The following PARVA variants were observed in gnomAD, a reference collection of about 807,000 sequenced individuals.
PARVA encodes parvin alpha, also known as alpha-parvin.
PARVA carries 25 observed loss-of-function variants against 52.6 expected under a neutral mutation model. The ratio of observed to expected loss-of-function variants is 0.48; its 90% CI spans 0.35 to 0.66. The LOEUF (loss-of-function observed/expected upper bound fraction) is 0.66, where lower values mean the gene tolerates loss of function less well. PARVA is among the 30% of genes least tolerant of loss of function. PARVA has a pLI of 0.01. For synonymous variants in PARVA, 185 were observed against 179.1 expected, an observed-to-expected ratio of 1.03 and a Z score of -0.26; for missense variants, 373 against 450.9, an observed-to-expected ratio of 0.83 and a Z score of 1.56.
In PARVA at chr11:12,409,840, T is replaced by C. The variant is rs951242046; in HGVS notation, c.136+32057T>C. ...CAGTTGGAAGCAAGTACGAAGTTTTTGCACCAAACATTGTCAACTGCAGTT... is the reference window on the plus strand; with the variant it reads ...CAGTTGGAAGCAAGTACGAAGTTTTCGCACCAAACATTGTCAACTGCAGTT... On this transcript the variant is annotated intron_variant, in intron 1 of 12. Coordinates refer to ENST00000334956, the MANE Select transcript of PARVA (RefSeq NM_018222.5). 8.5e-5 allele frequency among the ~76,000 whole-genome samples: 13 copies of C among 152,372 alleles called. No homozygotes were observed. The East Asian group carries it at 2.5e-3, about 29-fold the overall frequency.
intron 1 of PARVA, among the ~76,000 whole-genome samples, chr11:12,461,916 G>A (rs1363756562): frequency 6.6e-6 from 1 of 152,208 alleles, no homozygotes; most frequent in Non-Finnish European, 1.5e-5. Context: ...TCAAGTACAA[G>A]AGAGTGTGGT....
intron 1 of PARVA, among the ~76,000 whole-genome samples, chr11:12,396,942 C>T (rs952937661): frequency 1.3e-5 from 2 of 150,578 alleles, no homozygotes; most frequent in Admixed American, 6.6e-5. Flanking sequence ...CTTTCCTTTC[C>T]TTTCATGTAC....
Position 12,518,425 on chromosome 11 carries a change from G to A in PARVA, c.970-20G>A, listed in dbSNP as rs777946835. The stretch of plus-strand genomic sequence containing the variant: ...TCCTGGGTGTGCAATGGTACATGCT[G>A]TCTGCATCTCTCTTGCCAGGTCTTG... On this transcript the variant is annotated intron_variant, in intron 11 of 12. Transcript: ENST00000334956. The A allele has an allele frequency of 6.2e-7, 1 of 1,605,170 alleles. No individual in the cohort carries two copies. The highest frequency in any genetic ancestry group is 8.5e-7 in the Non-Finnish European group (1 of 1,172,506).
chr11:12,419,282 C>A (rs867053512), intron 1 of PARVA, among the ~76,000 whole-genome samples: 2 of 151,498 alleles, frequency 1.3e-5, no homozygotes, highest in Non-Finnish European at 2.9e-5. Context: ...ATTCTCCCCA[C>A]CCCCCAGGCC....
intron 1 of PARVA, among the ~76,000 whole-genome samples, chr11:12,383,191 T>G (rs991155713): frequency 4.6e-5 from 7 of 152,224 alleles, no homozygotes; most frequent in Non-Finnish European, 8.8e-5. Context: ...TTCTTCTTCT[T>G]TTGGGTTTTC....
chr11:12,484,063 A>T (rs11826577), intron 4 of PARVA, among the ~76,000 whole-genome samples: 4,731 of 152,282 alleles, frequency 0.031, 243 homozygotes, highest in African/African-American at 0.11. Context: ...AATCATCCAA[A>T]GTTGGGACAC....
At chr11:12,524,851 G>A (rs532386690) in intron 12 of PARVA, among the ~76,000 whole-genome samples, 1 of 152,320 alleles carries the variant, frequency 6.6e-6, no homozygotes, top group East Asian at 1.9e-4. Flanking sequence ...TAATCAATAA[G>A]CATACAAGTC....
At position 12,533,808 on chromosome 11, in the gene PARVA, CGGA is replaced by C. The variant is rs1554904930; in HGVS notation, c.*5906_*5908del. ...CCTCATGGTCATCACATTGAGTAGG[CGGA>C]GGAGGAGGAGGAGGAGGAGGAGTAG... On this transcript the variant is annotated 3_prime_UTR_variant, in exon 13 of 13. Transcript: ENST00000334956. Among the ~76,000 whole-genome samples, 1,419 of 150,268 alleles carry C rather than the reference CGGA, an allele frequency of 9.4e-3. 10 individuals are homozygous for C. Among genetic ancestry groups the C allele is most frequent in the Non-Finnish European group, 0.012 (843 of 67,736 alleles).
intron 1 of PARVA, among the ~76,000 whole-genome samples, chr11:12,402,309 T>C (rs992514053): frequency 1.3e-5 from 2 of 152,130 alleles, no homozygotes; most frequent in African/African-American, 4.8e-5. Context: ...TAACTGCCAA[T>C]GTGTGGCCCA....
chr11:12,401,934 C>T (rs1446998510), intron 1 of PARVA, among the ~76,000 whole-genome samples: 2 of 152,134 alleles, frequency 1.3e-5, no homozygotes, highest in Non-Finnish European at 2.9e-5. Flanking sequence ...AGTTAGTCAA[C>T]CCATCAGAAT....
At chr11:12,418,871 T>G (rs999185653) in intron 1 of PARVA, among the ~76,000 whole-genome samples, 3 of 152,200 alleles carry the variant, frequency 2.0e-5, no homozygotes, top group Non-Finnish European at 2.9e-5. Flanking sequence ...TGATGTGTAT[T>G]GAACAATACT....
At chr11:12,395,620 A>T (rs1413545398) in intron 1 of PARVA, among the ~76,000 whole-genome samples, 1 of 152,188 alleles carries the variant, frequency 6.6e-6, no homozygotes, top group Non-Finnish European at 1.5e-5. Flanking sequence ...TGCGGCCCAG[A>T]TCCCAGCTGC....
chr11:12,439,518 C>G (rs1163590171), intron 1 of PARVA, among the ~76,000 whole-genome samples: 1 of 152,216 alleles, frequency 6.6e-6, no homozygotes, highest in African/African-American at 2.4e-5. Flanking sequence ...TCACTCATCA[C>G]CCCCATTCTT....
intron 7 of PARVA, 82 bp downstream of exon 7, chr11:12,508,724 G>A (rs933402230): frequency 5.4e-6 from 6 of 1,117,572 alleles, no homozygotes; most frequent in Non-Finnish European, 8.2e-6. Context: ...CTGATATTTA[G>A]TTTTCATTTA....
At chr11:12,394,626 A>G (rs1298672413) in intron 1 of PARVA, among the ~76,000 whole-genome samples, 3 of 152,190 alleles carry the variant, frequency 2.0e-5, no homozygotes, top group African/African-American at 7.2e-5. Flanking sequence ...GGTGGTGGGT[A>G]TGTGGAGAGT....
intron 1 of PARVA, among the ~76,000 whole-genome samples, chr11:12,456,942 C>T (rs1589964414): frequency 1.3e-5 from 2 of 152,158 alleles, no homozygotes; most frequent in Non-Finnish European, 2.9e-5. Context: ...ACCAGCTACC[C>T]CACACTTGCT....
At chr11:12,410,342 G>A (rs1939975886) in intron 1 of PARVA, among the ~76,000 whole-genome samples, 1 of 152,228 alleles carries the variant, frequency 6.6e-6, no homozygotes, top group African/African-American at 2.4e-5. Flanking sequence ...GCCACAGGAA[G>A]CATTCCCTCC....
chr11:12,517,527 T>C (rs1941584677), intron 10 of PARVA, 83 bp from the exon 11 acceptor site: 2 of 1,018,898 alleles, frequency 2.0e-6, no homozygotes, highest in South Asian at 1.4e-5. Flanking sequence ...TCAGGTGGCA[T>C]AGCACAGAAG....
intron 1 of PARVA, among the ~76,000 whole-genome samples, chr11:12,472,198 C>G (rs1189374489): frequency 3.3e-5 from 5 of 152,162 alleles, no homozygotes; most frequent in African/African-American, 1.2e-4. Context: ...ATAAAATACA[C>G]TAAACACTAA....
Sources: allele counts gnomAD v4.1 joint callset (sites outside exome capture counted in the v4.1 genomes callset), GRCh38; gene constraint gnomAD v4.1.1; transcripts MANE v1.5; gene names NCBI Gene and HGNC (gene_info 2026-07-23, HGNC 2026-07-21).